HYCC1: variants seen among roughly 807,000 people sequenced by gnomAD.
The protein encoded by HYCC1 is hyccin PI4KA lipid kinase complex subunit 1.
the HYCC1 span, among the ~76,000 whole-genome samples, chr7:22,920,875 C>A: frequency 6.6e-6 from 1 of 152,110 alleles, no homozygotes; most frequent in Admixed American, 6.5e-5. Context: ...AGCACCATCC[C>A]CATGGTGATG....
At chr7:22,953,630 C>T in the HYCC1 span, among the ~76,000 whole-genome samples, 273 of 151,912 alleles carry the variant, frequency 1.8e-3, 1 homozygote, top group South Asian at 0.011. Context: ...CAATGTATTT[C>T]AGCTCTTTGG....
chr7:22,916,540 C>T, the HYCC1 span, among the ~76,000 whole-genome samples: 1 of 152,174 alleles, frequency 6.6e-6, no homozygotes, highest in Admixed American at 6.5e-5. Context: ...CATCCTGTAG[C>T]CTTTCTGTCC....
the HYCC1 span, among the ~76,000 whole-genome samples, chr7:22,901,925 G>A: frequency 6.6e-6 from 1 of 152,038 alleles, no homozygotes; most frequent in African/African-American, 2.4e-5. Context: ...AAAATATCTT[G>A]ATATAATCAG....
the HYCC1 span, among the ~76,000 whole-genome samples, chr7:23,007,744 T>C: frequency 6.6e-6 from 1 of 152,274 alleles, no homozygotes. Context: ...TATGCTATTA[T>C]CAAGTTGCCT....
chr7:22,953,368 A>G, the HYCC1 span, among the ~76,000 whole-genome samples: 1 of 151,960 alleles, frequency 6.6e-6, no homozygotes, highest in African/African-American at 2.4e-5. Flanking sequence ...ATAAAAAATA[A>G]TAACTTTCTT....
the HYCC1 span, chr7:22,978,509 T>C: frequency 6.6e-6 from 9 of 1,358,366 alleles, no homozygotes; most frequent in Non-Finnish European, 7.3e-6. Context: ...AACTACTATA[T>C]GAAGTATAAA....
At chr7:22,991,647 C>G in the HYCC1 span, among the ~76,000 whole-genome samples, 1 of 151,982 alleles carries the variant, frequency 6.6e-6, no homozygotes, top group African/African-American at 2.4e-5. Flanking sequence ...TGACAATATT[C>G]AAAATGACCA....
chr7:22,924,819 G>A, the HYCC1 span, among the ~76,000 whole-genome samples: 1 of 152,260 alleles, frequency 6.6e-6, no homozygotes, highest in Non-Finnish European at 1.5e-5. Context: ...CTGTCTGACA[G>A]CTTTGAAGAG....
At chr7:22,929,038 A>AT in the HYCC1 span, among the ~76,000 whole-genome samples, 40 of 152,312 alleles carry the variant, frequency 2.6e-4, no homozygotes, top group South Asian at 8.1e-3. Flanking sequence ...ATAATGCCAC[A>AT]TATCTACAAC....
chr7:23,013,795 C>T, the HYCC1 span: 2 of 374,720 alleles, frequency 5.3e-6, no homozygotes, highest in South Asian at 3.7e-5. Context: ...CCCAGTGGAG[C>T]CGCGGCCCCA....
chr7:22,961,082 C>T, the HYCC1 span, among the ~76,000 whole-genome samples: 882 of 152,240 alleles, frequency 5.8e-3, 8 homozygotes, highest in African/African-American at 0.02. Flanking sequence ...TTATTTGTTA[C>T]TTTTCTAAGT....
the HYCC1 span, among the ~76,000 whole-genome samples, chr7:22,973,778 G>A: frequency 6.6e-6 from 1 of 152,010 alleles, no homozygotes; most frequent in Non-Finnish European, 1.5e-5. Flanking sequence ...CCCTGGTCAG[G>A]TAAAATTGGT....
At chr7:22,934,228 T>TC in the HYCC1 span, 1 of 100,378 alleles carries the variant, frequency 1.0e-5, no homozygotes, top group Non-Finnish European at 2.2e-5. Context: ...TTTTTTTTTT[T>TC]TTTTTTCCCT....
the HYCC1 span, among the ~76,000 whole-genome samples, chr7:22,905,386 A>ATTT: frequency 1.6e-3 from 69 of 44,468 alleles, 4 homozygotes; most frequent in East Asian, 5.0e-3. Flanking sequence ...CTAATTTTGT[A>ATTT]TTTTTTTTTT....
the HYCC1 span, among the ~76,000 whole-genome samples, chr7:23,007,172 CTAAG>C: frequency 6.6e-6 from 1 of 152,008 alleles, no homozygotes. Flanking sequence ...AAAATTAAAA[CTAAG>C]TGTGCAAAGA....
chr7:22,948,446 C>A, the HYCC1 span, among the ~76,000 whole-genome samples: 1 of 152,056 alleles, frequency 6.6e-6, no homozygotes, highest in African/African-American at 2.4e-5. Flanking sequence ...CTACTGATGC[C>A]TGGCTCCAAC....
At chr7:22,922,209 A>C in the HYCC1 span, among the ~76,000 whole-genome samples, 2 of 152,266 alleles carry the variant, frequency 1.3e-5, no homozygotes, top group African/African-American at 4.8e-5. Flanking sequence ...ACTAATAAAC[A>C]TAATCTAACT....
the HYCC1 span, among the ~76,000 whole-genome samples, chr7:23,011,053 T>TA: frequency 2.6e-5 from 4 of 152,322 alleles, no homozygotes; most frequent in South Asian, 4.1e-4. Flanking sequence ...GACACCTCCT[T>TA]ACAGCATTCA....
At chr7:23,012,716 G>A in the HYCC1 span, among the ~76,000 whole-genome samples, 3 of 152,188 alleles carry the variant, frequency 2.0e-5, no homozygotes, top group South Asian at 6.2e-4. Context: ...ACTTGGAAAT[G>A]TCGGGGGAGG....
Sources: gnomAD v4.1 joint callset for allele counts (sites outside exome capture counted in the v4.1 genomes callset) on GRCh38, gnomAD v4.1.1 for gene constraint, MANE v1.5 for transcripts, NCBI Gene and HGNC (gene_info 2026-07-23, HGNC 2026-07-21) for gene names.